The following LUC7L variants were observed in gnomAD, a reference collection of about 807,000 sequenced individuals.
LUC7L encodes putative RNA-binding protein Luc7-like 1.
In LUC7L, 29 loss-of-function variants were observed where a neutral mutation model predicts 51.1. The observed-to-expected ratio is 0.57, with a 90% CI of 0.42 to 0.77. LUC7L has a LOEUF of 0.77. Ranked by LOEUF, LUC7L falls within the 30% of genes least tolerant of loss-of-function variation. LUC7L has a pLI of 0.00. For missense variants in LUC7L, 403 were observed against 511.9 expected (o/e 0.79, Z 2.05); for synonymous variants, 181 against 180.7 (o/e 1.00, Z -0.01).
chr16:221,247 G>C (rs957826110), intron 2 of LUC7L, among the ~76,000 whole-genome samples: 1 of 135,550 alleles, frequency 7.4e-6, no homozygotes, highest in African/African-American at 2.8e-5. Flanking sequence ...GTTTCGCCAC[G>C]TTGGCCAGGC....
At chr16:217,201 G>A (rs527769204) in intron 3 of LUC7L, among the ~76,000 whole-genome samples, 1 of 152,044 alleles carries the variant, frequency 6.6e-6, no homozygotes, top group African/African-American at 2.4e-5. Flanking sequence ...ATTTTTAGAA[G>A]AGGCAGCGTT....
intron 1 of LUC7L, chr16:228,265 T>C: frequency 7.7e-7 from 1 of 1,300,884 alleles, no homozygotes; most frequent in Non-Finnish European, 1.0e-6. Context: ...ACTACACTTT[T>C]AAAGTTACTT....
chr16:191,884 GA>G (rs1313334633), intron 7 of LUC7L, among the ~76,000 whole-genome samples: 1 of 152,112 alleles, frequency 6.6e-6, no homozygotes, highest in Non-Finnish European at 1.5e-5. Flanking sequence ...GTTATGCACT[GA>G]GGAATTATTT....
chr16:206,017 T>C lies in LUC7L; in HGVS notation c.497A>G (p.Lys166Arg). 1 of 1,611,910 alleles carries C rather than the reference T, an allele frequency of 6.2e-7. No individual in the cohort carries two copies. Among genetic ancestry groups the C allele is most frequent in the Non-Finnish European group, 8.5e-7 (1 of 1,179,564 alleles). Reference sequence around the variant, plus strand: ...TATCTCACCAACCTCAGCTTCTTTTTTCTTCGCACGAACTTTTTCCACTTC... The same window carrying C: ...TATCTCACCAACCTCAGCTTCTTTTCTCTTCGCACGAACTTTTTCCACTTC... ...LMEVEKVRAK[K>R]KEAEEEYRNS... Residue 166 changes from lysine (K) to arginine (R), a missense_variant, in exon 5 of 10, where the codon AAA (lysine) becomes AGA (arginine). By Grantham distance (26) the Lys-to-Arg change is conservative. Around this residue, in one of 3 missense-constraint regions of LUC7L, gnomAD observed 182 missense variants for 248.4 expected, o/e 0.73. Transcript: ENST00000293872.
At chr16:190,800 A>T in intron 7 of LUC7L, 1 of 535,720 alleles carries the variant, frequency 1.9e-6, no homozygotes, top group Non-Finnish European at 3.3e-6. Flanking sequence ...AAATCACTTT[A>T]ACCTAGGAGG....
In LUC7L at chr16:206,197, T is replaced by C. The variant is rs149112150; in HGVS notation, c.367-50A>G. The C allele has an allele frequency of 5.6e-3, 8,753 of 1,572,350 alleles. 34 individuals are homozygous for C. Among genetic ancestry groups the C allele is most frequent in the Non-Finnish European group, 6.8e-3 (7,806 of 1,153,776 alleles). Reference sequence around the variant, plus strand: ...GCAGACATCTGAAAATGAAAGTGAATGCAAAGGCAACAAGGGTTTCTCCTG... The same window carrying C: ...GCAGACATCTGAAAATGAAAGTGAACGCAAAGGCAACAAGGGTTTCTCCTG... On this transcript the variant is annotated intron_variant, in intron 4 of 9. Transcript: ENST00000293872.
At chr16:224,531 A>G (rs1049952288) in intron 2 of LUC7L, among the ~76,000 whole-genome samples, 3 of 149,216 alleles carry the variant, frequency 2.0e-5, no homozygotes. Flanking sequence ...AAATAAAAAA[A>G]AAAGAAAACC....
At chr16:227,733 TATTAATCTA>T (rs2050166047) in intron 1 of LUC7L, 9 of 1,015,298 alleles carry the variant, frequency 8.9e-6, no homozygotes, top group Admixed American at 1.0e-4. Context: ...AAAAGCTACT[TATTAATCTA>T]ATCTTTTTGT....
chr16:204,152 G>C (rs1426198833), intron 5 of LUC7L, among the ~76,000 whole-genome samples: 1 of 151,970 alleles, frequency 6.6e-6, no homozygotes, highest in Non-Finnish European at 1.5e-5. Context: ...ACTCATAAAA[G>C]GTATCAAATG....
intron 3 of LUC7L, chr16:220,212 AGAATC>A (rs1209207664): frequency 6.5e-6 from 1 of 152,912 alleles, no homozygotes; most frequent in Non-Finnish European, 1.5e-5. Context: ...TAGCAAAACT[AGAATC>A]AATCTAAATG....
At chr16:213,792 G>A (rs150934021) in intron 3 of LUC7L, among the ~76,000 whole-genome samples, 4 of 152,114 alleles carry the variant, frequency 2.6e-5, no homozygotes, top group East Asian at 3.9e-4. Flanking sequence ...TCGGCTCACC[G>A]CAATCTCTGC....
intron 8 of LUC7L, 144 bp downstream of exon 8, chr16:190,397 C>T: frequency 1.1e-6 from 1 of 904,192 alleles, no homozygotes; most frequent in South Asian, 1.5e-5. Context: ...CCCTCCACGG[C>T]ACCAAGCAAC....
Position 208,108 on chromosome 16 carries a change from C to T in LUC7L, c.336G>A (p.Gln112=). 6.2e-7 allele frequency: 1 copy of T among 1,613,650 alleles called. No homozygotes were observed. The highest frequency in any genetic ancestry group is 8.5e-7 in the Non-Finnish European group (1 of 1,179,798). The change falls in exon 4 of 10, where the codon CAG becomes CAA. Residue 112 remains glutamine (Q), a synonymous_variant. Transcript: ENST00000293872. The part of the protein sequence containing the change: ...ELAKKRLAET[Q]EEISAEVSAK... The stretch of plus-strand genomic sequence containing the variant: ...CAGAAACTTCCGCACTGATTTCCTC[C>T]TGTGTTTCTGCCAGCCGCTTCTTGG...
At chr16:208,348 A>C in intron 3 of LUC7L, 160 bp from the exon 4 acceptor site, 1 of 564,640 alleles carries the variant, frequency 1.8e-6, no homozygotes, top group Non-Finnish European at 3.1e-6. Context: ...CGCATTCATA[A>C]TTGCATTAAA....
At position 229,248 on chromosome 16, in the gene LUC7L, G is replaced by A. The variant is rs1406096923; in HGVS notation, c.61+31C>T. The A allele has an allele frequency of 3.3e-6, 5 of 1,528,540 alleles. No homozygotes were observed. In the African/African-American group the frequency reaches 4.2e-5, roughly 13 times the overall value. 94.7% of individuals were successfully genotyped at this position (1,528,540 alleles called of 1,614,324 possible). ...GCGGCCTCGCCTCACTCCCACCCCA[G>A]ACCCTCGCCTGGTTGGCCGCTCTGA... On this transcript the variant is annotated intron_variant, in intron 1 of 9. Coordinates refer to ENST00000293872, the MANE Select transcript of LUC7L (RefSeq NM_201412.3).
chr16:210,906 C>T (rs1047098645), intron 3 of LUC7L, among the ~76,000 whole-genome samples: 3 of 151,878 alleles, frequency 2.0e-5, no homozygotes, highest in Admixed American at 1.3e-4. Context: ...AAAAAATTAG[C>T]CGGGCGTGGT....
Position 227,319 on chromosome 16 carries a change from T to G in LUC7L, c.79A>C (p.Arg27=). ...ACACGGTCATCTGTAAACTTGACCC[T>G]CTGTCTGGTTTCGTCTCCTGAAATT... The part of the protein sequence containing the change: ...TARDGDETRQ[R]VKFTDDRVCK... Residue 27 remains arginine, a synonymous_variant, in exon 2 of 10, where the codon AGG becomes CGG. Coordinates refer to ENST00000293872, the MANE Select transcript of LUC7L (RefSeq NM_201412.3). The G allele has an allele frequency of 4.3e-6, 7 of 1,609,802 alleles. No homozygotes were observed. The highest frequency in any genetic ancestry group is 5.9e-6 in the Non-Finnish European group (7 of 1,177,620).
At chr16:190,184 T>C (rs753075608) in intron 8 of LUC7L, 49 bp from the exon 9 acceptor site, 79 of 1,508,752 alleles carry the variant, frequency 5.2e-5, no homozygotes, top group Middle Eastern at 3.4e-4. Flanking sequence ...GTGCCAACAC[T>C]ATGAGGGCCC....
chr16:192,032 G>A (rs76784801), intron 7 of LUC7L, among the ~76,000 whole-genome samples: 2,065 of 152,104 alleles, frequency 0.014, 38 homozygotes, highest in African/African-American at 0.046. Flanking sequence ...GCTGAGTGTG[G>A]CCAGAGGCAT....
Sources: allele counts gnomAD v4.1 joint callset (sites outside exome capture counted in the v4.1 genomes callset), GRCh38; gene constraint gnomAD v4.1.1; regional missense constraint gnomAD v4.1.1; transcripts MANE v1.5; gene names NCBI Gene and HGNC (gene_info 2026-07-23, HGNC 2026-07-21).